The following ARFGEF1 variants were observed in gnomAD, a reference collection of about 807,000 sequenced individuals.
ARFGEF1 encodes brefeldin A-inhibited guanine nucleotide-exchange protein 1.
ARFGEF1 carries 42 observed loss-of-function variants against 231.0 expected under a neutral mutation model. The ratio of observed to expected loss-of-function variants is 0.18; its 90% CI spans 0.14 to 0.24. The LOEUF (loss-of-function observed/expected upper bound fraction) is 0.24, where lower values mean the gene tolerates loss of function less well. Among genes scored for constraint, ARFGEF1 ranks in the 10% least tolerant of loss-of-function variants. The probability of loss-of-function intolerance (pLI) is 1.00; values close to 1 mark genes in which losing one functional copy is unlikely to be tolerated. For missense variants in ARFGEF1, 1,345 were observed against 2,192.0 expected, an observed-to-expected ratio of 0.61 and a Z score of 7.72; for synonymous variants, 710 against 732.3, an observed-to-expected ratio of 0.97 and a Z score of 0.49.
At chr8:67,280,594 T>C (rs1464118395) in intron 7 of ARFGEF1, among the ~76,000 whole-genome samples, 4 of 152,150 alleles carry the variant, frequency 2.6e-5, no homozygotes. Context: ...CAGTGTAGAA[T>C]ATATAAAAAG....
chr8:67,311,090 C>G (rs1412777421), intron 1 of ARFGEF1, among the ~76,000 whole-genome samples: 2 of 148,388 alleles, frequency 1.3e-5, no homozygotes, highest in Non-Finnish European at 3.0e-5. Context: ...CCCGGCCAGC[C>G]GCCCCGTCCG....
chr8:67,327,459 A>G (rs1470053976), intron 1 of ARFGEF1, among the ~76,000 whole-genome samples: 1 of 151,850 alleles, frequency 6.6e-6, no homozygotes, highest in Non-Finnish European at 1.5e-5. Flanking sequence ...CTGGGATTAC[A>G]GGCACCTGCC....
chr8:67,207,866 G>A (rs1838577303), intron 34 of ARFGEF1, among the ~76,000 whole-genome samples: 1 of 152,186 alleles, frequency 6.6e-6, no homozygotes, highest in African/African-American at 2.4e-5. Flanking sequence ...AAGTCTTCCA[G>A]GGGAGCGAGA....
intron 5 of ARFGEF1, chr8:67,179,782 C>G: frequency 1.1e-6 from 1 of 908,186 alleles, no homozygotes; most frequent in East Asian, 2.4e-5. Context: ...AGTGTGGAAA[C>G]TTGTGCCTCT....
Position 67,188,634 on chromosome 8 carries a change from C to T in ARFGEF1, c.560+11762G>A, listed in dbSNP as rs189374482. ...CTTCTGGTCCATGTTTGTTACGGCT[C>T]GAGCTGAGCTTTCGCTTGCTGTCCA... On this transcript the variant is annotated intron_variant, in intron 5 of 5. Coordinates refer to the ARFGEF1 transcript ENST00000518789. 8.6e-3 allele frequency among the ~76,000 whole-genome samples: 1,309 copies of T among 152,256 alleles called. 16 individuals carry two copies. Among genetic ancestry groups the T allele is most frequent in the African/African-American group, 0.03 (1,232 of 41,548 alleles).
At chr8:67,339,569 T>C (rs1808504519) in intron 1 of ARFGEF1, among the ~76,000 whole-genome samples, 1 of 151,888 alleles carries the variant, frequency 6.6e-6, no homozygotes, top group South Asian at 2.1e-4. Context: ...CCTAAATTCT[T>C]TGAAACTAAA....
chr8:67,211,136 G>A (rs969696801), intron 34 of ARFGEF1, among the ~76,000 whole-genome samples: 4 of 151,238 alleles, frequency 2.6e-5, no homozygotes, highest in Non-Finnish European at 5.9e-5. Flanking sequence ...ACAAGGTCAG[G>A]AGTTCAAGAC....
At chr8:67,300,190 T>G (rs1806415566) in intron 3 of ARFGEF1, among the ~76,000 whole-genome samples, 1 of 152,196 alleles carries the variant, frequency 6.6e-6, no homozygotes, top group Admixed American at 6.5e-5. Flanking sequence ...CTTTACATAT[T>G]ATCATTCTAA....
At chr8:67,208,430 G>A (rs2129577626) in intron 34 of ARFGEF1, among the ~76,000 whole-genome samples, 1 of 152,248 alleles carries the variant, frequency 6.6e-6, no homozygotes, top group Non-Finnish European at 1.5e-5. Flanking sequence ...CAGAGTTTGA[G>A]ACGAGCCTGG....
chr8:67,234,748 A>G (rs1839661311), intron 22 of ARFGEF1, among the ~76,000 whole-genome samples: 2 of 152,142 alleles, frequency 1.3e-5, no homozygotes, highest in African/African-American at 2.4e-5. Flanking sequence ...CTATTTTCCA[A>G]AAGACAACAC....
At chr8:67,266,773 GAATA>G (rs1804870870) in intron 13 of ARFGEF1, 99 bp downstream of exon 13, 2 of 769,030 alleles carry the variant, frequency 2.6e-6, no homozygotes, top group African/African-American at 3.5e-5. Flanking sequence ...TCAGTTAAAT[GAATA>G]AATATGTCAT....
chr8:67,257,880 T>G, intron 16 of ARFGEF1, 64 bp from the exon 17 acceptor site: 1 of 1,373,616 alleles, frequency 7.3e-7, no homozygotes, highest in East Asian at 2.3e-5. Context: ...TTTAAATAAG[T>G]CACCTCAAAT....
chr8:67,184,968 G>GAC (rs1215202266), intron 5 of ARFGEF1, among the ~76,000 whole-genome samples: 1 of 144,038 alleles, frequency 6.9e-6, no homozygotes, highest in Non-Finnish European at 1.5e-5. Context: ...AAAAAAAAAG[G>GAC]TGGTGGGCAC....
At chr8:67,173,694 T>A (rs772829219), downstream of ARFGEF1, 41 of 152,332 alleles carry the variant, frequency 2.7e-4, no homozygotes, top group Non-Finnish European at 4.9e-4. Context: ...TTATTTAATT[T>A]TCTCTATTGT....
chr8:67,238,525 T>A, intron 21 of ARFGEF1, 32 bp from the exon 22 acceptor site: 2 of 1,576,818 alleles, frequency 1.3e-6, no homozygotes, highest in Non-Finnish European at 1.7e-6. Context: ...AATGTTAAAT[T>A]CCATGTTAAA....
chr8:67,258,025 C>A, intron 16 of ARFGEF1, 60 bp downstream of exon 16: 1 of 1,451,548 alleles, frequency 6.9e-7, no homozygotes. Context: ...TCCCTGGATG[C>A]TACCTAGCAC....
At chr8:67,260,437 C>A (rs1473822241) in intron 14 of ARFGEF1, among the ~76,000 whole-genome samples, 1 of 152,176 alleles carries the variant, frequency 6.6e-6, no homozygotes, top group Non-Finnish European at 1.5e-5. Context: ...GTAATTCTCA[C>A]AATAGTTCAC....
chr8:67,281,574 A>G (rs1306269348), intron 7 of ARFGEF1, among the ~76,000 whole-genome samples: 2 of 152,106 alleles, frequency 1.3e-5, no homozygotes, highest in East Asian at 3.8e-4. Context: ...ACTATTCAAC[A>G]TTTTCTGGAG....
chr8:67,315,558 C>T (rs376103115), intron 1 of ARFGEF1, among the ~76,000 whole-genome samples: 9 of 151,604 alleles, frequency 5.9e-5, no homozygotes, highest in African/African-American at 1.2e-4. Flanking sequence ...TCTTTTTTTC[C>T]GAGTAAAGTG....
Sources: allele counts gnomAD v4.1 joint callset (sites outside exome capture counted in the v4.1 genomes callset), GRCh38; gene constraint gnomAD v4.1.1; transcripts MANE v1.5; gene names NCBI Gene and HGNC (gene_info 2026-07-23, HGNC 2026-07-21).